Variants in INO80B observed in about 807,000 individuals in gnomAD.
INO80B encodes INO80 complex subunit B.
In INO80B, 18 loss-of-function variants were observed where a neutral mutation model predicts 31.4. The observed-to-expected ratio is 0.57, with a 90% CI of 0.40 to 0.85. The LOEUF is 0.85. Among genes scored for constraint, INO80B ranks in the 40% least tolerant of loss-of-function variants. The probability of loss-of-function intolerance (pLI) is 0.00; values close to 1 mark genes in which losing one functional copy is unlikely to be tolerated. For missense variants in INO80B, 469 were observed against 475.4 expected, an observed-to-expected ratio of 0.99 and a Z score of 0.13; for synonymous variants, 238 against 199.0, an observed-to-expected ratio of 1.20 and a Z score of -1.65.
In INO80B at chr2:74,457,672, C is replaced by T. The variant is rs753593426; in HGVS notation, c.879C>T (p.Pro293=). The T allele has an allele frequency of 4.4e-6, 7 of 1,599,798 alleles. No homozygotes were observed. In the African/African-American group the frequency reaches 5.4e-5, roughly 12 times the overall value. Residue 293 remains proline, a synonymous_variant, in exon 5 of 5, where the codon CCC becomes CCT. Coordinates refer to ENST00000233331, the MANE Select transcript of INO80B (RefSeq NM_031288.4). ...TLSFPPGVPA[P]TAVSQRPSPS... is the part of the protein sequence containing the mutation. ...CCTTCCCACCTGGCGTCCCCGCCCC[C>T]ACGGCAGTGTCTCAGCGGCCATCCC...
chr2:74,456,382 A>G (rs1051218855), intron 4 of INO80B, 110 bp downstream of exon 4: 4 of 1,080,018 alleles, frequency 3.7e-6, no homozygotes, highest in Middle Eastern at 2.9e-4. Context: ...GAGAAAAGAC[A>G]AAGTTTCTGT....
chr2:74,455,386 G>C lies in INO80B; in HGVS notation c.59-20G>C, dbSNP rs892010575. The C allele has an allele frequency of 6.2e-7, 1 of 1,613,944 alleles. No individual in the cohort carries two copies. Among genetic ancestry groups the C allele is most frequent in the East Asian group, 2.2e-5 (1 of 44,896 alleles). Reference sequence around the variant, plus strand: ...TGCCACCCTCCGGCCAAACACTGTCGACAGGCTTTCCTTCCACAGGAGAAG... The same window carrying C: ...TGCCACCCTCCGGCCAAACACTGTCCACAGGCTTTCCTTCCACAGGAGAAG... On this transcript the variant is annotated intron_variant, in intron 1 of 4. Coordinates refer to ENST00000233331, the MANE Select transcript of INO80B (RefSeq NM_031288.4).
Position 74,457,368 on chromosome 2 carries a change from C to A in INO80B, c.575C>A (p.Ser192Tyr). 6.2e-7 allele frequency: 1 copy of A among 1,608,730 alleles called. No individual in the cohort carries two copies. Among genetic ancestry groups the A allele is most frequent in the Non-Finnish European group, 8.5e-7 (1 of 1,178,090 alleles). The stretch of plus-strand genomic sequence containing the variant: ...CTCCAGAAGGCGCGGAGTCAACCTT[C>A]CCCTATGCTGCCGCTGCCTGTAGCT... Reference protein sequence around the residue: ...ALLQKARSQPSPMLPLPVAEG... With the variant: ...ALLQKARSQPYPMLPLPVAEG... The change falls in exon 5 of 5, where the codon TCC (serine) becomes TAC (tyrosine). Residue 192 changes from serine (S) to tyrosine (Y), a missense_variant. Physicochemically the swap from Ser to Tyr is moderately radical, Grantham distance 144. Around this residue, in one of 3 missense-constraint regions of INO80B, gnomAD observed 223 missense variants for 253.4 expected, o/e 0.88. Transcript: ENST00000233331.
At chr2:74,457,167 A>C (rs1039491413) in intron 4 of INO80B, among the ~76,000 whole-genome samples, 167 bp from the exon 5 acceptor site, 2 of 152,184 alleles carry the variant, frequency 1.3e-5, no homozygotes, top group Non-Finnish European at 2.9e-5. Flanking sequence ...AACCTATGGA[A>C]GGTGTCCTGG....
rs773386335 is a variant in INO80B at position 74,457,342 on chromosome 2, G to A, written c.549G>A (p.Leu183=). ...TCTCTGTCTCTCCCTAGCGAGCTCT[G>A]CTCCAGAAGGCGCGGAGTCAACCTT... ...ERLLTARQRA[L]LQKARSQPSP... Residue 183 remains leucine (L), a synonymous_variant, in exon 5 of 5, where the codon CTG becomes CTA. Coordinates refer to ENST00000233331, the MANE Select transcript of INO80B (RefSeq NM_031288.4). 1.4e-5 allele frequency: 23 copies of A among 1,606,674 alleles called. No homozygotes were observed. In the African/African-American group the frequency reaches 3.0e-4, roughly 21 times the overall value.
Position 74,455,088 on chromosome 2 carries a change from T to G in INO80B, c.-29T>G. ...GGCGTGTCTGCGTGTGTCCCAACCA[T>G]TTCTAGTCCCCTTTCCTCGCAGGAC... On this transcript the variant is annotated 5_prime_UTR_variant, in exon 1 of 5. Coordinates refer to ENST00000233331, the MANE Select transcript of INO80B (RefSeq NM_031288.4). The G allele has an allele frequency of 1.9e-6, 3 of 1,613,360 alleles. No individual in the cohort carries two copies. The highest frequency in any genetic ancestry group is 2.5e-6 in the Non-Finnish European group (3 of 1,179,308).
chr2:74,456,246 A>G lies in INO80B; in HGVS notation c.514A>G (p.Asn172Asp). 1.2e-6 allele frequency: 2 copies of G among 1,614,138 alleles called. No individual in the cohort carries two copies. The highest frequency in any genetic ancestry group is 1.7e-6 in the Non-Finnish European group (2 of 1,180,004). Residue 172 changes from asparagine to aspartate, a missense_variant, in exon 4 of 5, where the codon AAT (asparagine) becomes GAT (aspartate). Asn to Asp is a conservative substitution (Grantham distance 23, BLOSUM62 1). Coordinates refer to ENST00000233331, the MANE Select transcript of INO80B (RefSeq NM_031288.4). ...CAATGGAGACCTCAAGAAGGAGATC[A>G]ATGAGCGGCTGCTTACTGCTCGACA... ...DDNGDLKKEI[N>D]ERLLTARQRA...
intron 4 of INO80B, among the ~76,000 whole-genome samples, chr2:74,456,773 G>C (rs1428966495): frequency 6.6e-6 from 1 of 152,254 alleles, no homozygotes; most frequent in Non-Finnish European, 1.5e-5. Flanking sequence ...TCTTCGTGGA[G>C]ACAAGAGATA....
At chr2:74,456,424 TG>T (rs1366893268) in intron 4 of INO80B, 152 bp downstream of exon 4, 5 of 686,256 alleles carry the variant, frequency 7.3e-6, no homozygotes, top group African/African-American at 5.5e-5. Flanking sequence ...GTGTGTGTGT[TG>T]GGGGGCTGGG....
Position 74,456,291 on chromosome 2 carries a change from T to G in INO80B, c.540+19T>G, listed in dbSNP as rs751352019. ...TCGACAGGTATGTTGGTTCATTGTTTATTCACTCACCAAATGTATACAGTA... is the reference window on the plus strand; with the variant it reads ...TCGACAGGTATGTTGGTTCATTGTTGATTCACTCACCAAATGTATACAGTA... On this transcript the variant is annotated intron_variant, in intron 4 of 4. Transcript: ENST00000233331. 6.2e-7 allele frequency: 1 copy of G among 1,613,514 alleles called. No individual in the cohort carries two copies. The highest frequency in any genetic ancestry group is 8.5e-7 in the Non-Finnish European group (1 of 1,179,654).
At chr2:74,456,381 CAA>C in intron 4 of INO80B, 109 bp downstream of exon 4, 5 of 1,104,766 alleles carry the variant, frequency 4.5e-6, no homozygotes, top group South Asian at 1.4e-5. Context: ...AGAGAAAAGA[CAA>C]AGTTTCTGTT....
chr2:74,455,864 C>T lies in INO80B; in HGVS notation c.298C>T (p.Pro100Ser). 1 of 1,613,820 alleles carries T rather than the reference C, an allele frequency of 6.2e-7. No homozygotes were observed. Among genetic ancestry groups the T allele is most frequent in the East Asian group, 2.2e-5 (1 of 44,880 alleles). ...VIPEGPRSPS[P>S]LMVVDNEEEP... ...CCCAGAGGGGCCTCGCTCACCCTCT[C>T]CCCTTATGGTTGTGGATAATGAAGA... is the stretch of plus-strand genomic sequence containing the variant. The change falls in exon 3 of 5, where the codon CCC becomes TCC. Residue 100 changes from proline (P) to serine (S), a missense_variant. By Grantham distance (74) the Pro-to-Ser change is moderately conservative (BLOSUM62 -1). This residue lies in a region of INO80B where 223 missense variants were observed against 253.4 expected (regional missense o/e 0.88). Coordinates refer to ENST00000233331, the MANE Select transcript of INO80B (RefSeq NM_031288.4).
At chr2:74,456,377 A>G in intron 4 of INO80B, 105 bp downstream of exon 4, 1 of 1,154,348 alleles carries the variant, frequency 8.7e-7, no homozygotes, top group South Asian at 1.4e-5. Context: ...TAGTAGAGAA[A>G]AGACAAAGTT....
rs1419294581 is a variant in INO80B at position 74,457,604 on chromosome 2, C to T, written c.811C>T (p.Pro271Ser). 2 of 1,556,642 alleles carry T rather than the reference C, an allele frequency of 1.3e-6. No individual in the cohort carries two copies. The highest frequency in any genetic ancestry group is 1.7e-6 in the Non-Finnish European group (2 of 1,157,506). ...RRGGRAAAPA[P>S]MVRYCSGAQG... Reference sequence around the variant, plus strand: ...GGGAGGGCGGGCTGCGGCTCCGGCCCCCATGGTGCGCTACTGCAGCGGAGC... The same window carrying T: ...GGGAGGGCGGGCTGCGGCTCCGGCCTCCATGGTGCGCTACTGCAGCGGAGC... The change falls in exon 5 of 5, where the codon CCC (proline) becomes TCC (serine). Residue 271 changes from proline to serine, a missense_variant. This residue lies in a region of INO80B where 201 missense variants were observed against 151.7 expected (regional missense o/e 1.32). Transcript: ENST00000233331.
At position 74,455,433 on chromosome 2, in the gene INO80B, G is replaced by C; in HGVS notation, c.86G>C (p.Gly29Ala). 6.2e-7 allele frequency: 1 copy of C among 1,614,096 alleles called. No individual in the cohort carries two copies. Among genetic ancestry groups the C allele is most frequent in the Middle Eastern group, 1.6e-4 (1 of 6,062 alleles). The change falls in exon 2 of 5, where the codon GGT (glycine) becomes GCT (alanine). Residue 29 changes from glycine to alanine, a missense_variant. Gly to Ala is a moderately conservative substitution (Grantham distance 60, BLOSUM62 0). Transcript: ENST00000233331. ...PGEALELSLA[G>A]AHGHGVHKKK... ...GAAGCCCTGGAGTTGAGCCTGGCGG[G>C]TGCCCATGGCCATGGAGTGCACAAG...
At chr2:74,457,226 C>G in intron 4 of INO80B, 108 bp from the exon 5 acceptor site, 2 of 1,227,256 alleles carry the variant, frequency 1.6e-6, no homozygotes. Flanking sequence ...CTGCACTGCT[C>G]AAGACCCTGC....
In INO80B at chr2:74,457,366, T is replaced by C; in HGVS notation, c.573T>C (p.Pro191=). 1 of 1,608,626 alleles carries C rather than the reference T, an allele frequency of 6.2e-7. No homozygotes were observed. The highest frequency in any genetic ancestry group is 1.7e-4 in the Middle Eastern group (1 of 6,044). The change falls in exon 5 of 5, where the codon CCT becomes CCC. Residue 191 remains proline (P), a synonymous_variant. Transcript: ENST00000233331. ...RALLQKARSQ[P]SPMLPLPVAE... ...TGCTCCAGAAGGCGCGGAGTCAACC[T>C]TCCCCTATGCTGCCGCTGCCTGTAG...
Position 74,457,921 on chromosome 2 carries a change from A to G in INO80B, c.*57A>G. 1 of 1,439,756 alleles carries G rather than the reference A, an allele frequency of 6.9e-7. No homozygotes were observed. Among genetic ancestry groups the G allele is most frequent in the Non-Finnish European group, 9.2e-7 (1 of 1,086,340 alleles). 89.2% of individuals were successfully genotyped at this position (1,439,756 alleles called of 1,614,324 possible). A position where few individuals can be genotyped will look rare whatever the true frequency, so the allele number is the denominator to read the frequency against. On this transcript the variant is annotated 3_prime_UTR_variant, in exon 5 of 5. Coordinates refer to ENST00000233331, the MANE Select transcript of INO80B (RefSeq NM_031288.4). The stretch of plus-strand genomic sequence containing the variant: ...ATGCCCGCTCTTGAGTATCTTCCCC[A>G]CCCTATTAAATTACATCCGGTGCTT...
intron 4 of INO80B, 44 bp downstream of exon 4, chr2:74,456,316 A>T: frequency 1.2e-6 from 2 of 1,603,580 alleles, no homozygotes; most frequent in Non-Finnish European, 1.7e-6. Flanking sequence ...TGTATACAGT[A>T]TTGAGAACTC....
Sources: gnomAD v4.1 joint callset for allele counts (sites outside exome capture counted in the v4.1 genomes callset) on GRCh38, gnomAD v4.1.1 for gene constraint, gnomAD v4.1.1 regional missense constraint, MANE v1.5 for transcripts, NCBI Gene and HGNC (gene_info 2026-07-23, HGNC 2026-07-21) for gene names.